SPATA17: variants seen among roughly 807,000 people sequenced by gnomAD.
SPATA17 encodes the protein spermatogenesis associated 17, also known as spermatogenesis-associated protein 17.
A neutral mutation model predicts 62.2 loss-of-function variants in SPATA17; 53 were observed. The ratio of observed to expected loss-of-function variants is 0.85; its 90% CI spans 0.68 to 1.07. SPATA17 has a LOEUF of 1.07. Ranked by LOEUF, SPATA17 falls within the 50% of genes least tolerant of loss-of-function variation. The pLI is 0.00. For missense variants in SPATA17, 466 were observed against 425.5 expected (o/e 1.10, Z -0.84); for synonymous variants, 146 against 146.8 (o/e 0.99, Z 0.04).
At chr1:217,838,969 C>G (rs1329840684) in intron 9 of SPATA17, among the ~76,000 whole-genome samples, 1 of 151,990 alleles carries the variant, frequency 6.6e-6, no homozygotes, top group African/African-American at 2.4e-5. Flanking sequence ...AACCAAGCCT[C>G]TCAGTATTTT....
chr1:217,795,362 C>CTTTTTTT (rs71560537), intron 8 of SPATA17, among the ~76,000 whole-genome samples: 2 of 69,548 alleles, frequency 2.9e-5, no homozygotes, highest in African/African-American at 5.6e-5. Flanking sequence ...ACAAAAGTCT[C>CTTTTTTT]TTTTTTTTTT....
At chr1:217,716,295 A>T (rs754583904) in intron 5 of SPATA17, among the ~76,000 whole-genome samples, 9 of 152,224 alleles carry the variant, frequency 5.9e-5, no homozygotes, top group Non-Finnish European at 1.2e-4. Flanking sequence ...AACGTGAAAG[A>T]AGTCAGTATG....
chr1:217,646,893 C>CA (rs1184208130), intron 1 of SPATA17, among the ~76,000 whole-genome samples: 2 of 151,952 alleles, frequency 1.3e-5, no homozygotes, highest in Admixed American at 6.6e-5. Context: ...GACTCTGTTT[C>CA]AAAAAAACCC....
chr1:217,681,192 A>C (rs978100460), intron 4 of SPATA17, among the ~76,000 whole-genome samples: 2 of 151,100 alleles, frequency 1.3e-5, no homozygotes, highest in Non-Finnish European at 2.9e-5. Context: ...GCGCCACTGC[A>C]CTCCAGCCTG....
At chr1:217,737,063 A>G (rs1672525698) in intron 5 of SPATA17, among the ~76,000 whole-genome samples, 1 of 152,222 alleles carries the variant, frequency 6.6e-6, no homozygotes, top group Non-Finnish European at 1.5e-5. Context: ...TAAATACAAT[A>G]CTGAATTTAG....
chr1:217,657,718 C>G (rs920888207), intron 3 of SPATA17, among the ~76,000 whole-genome samples: 3 of 152,076 alleles, frequency 2.0e-5, no homozygotes, highest in Admixed American at 2.0e-4. Flanking sequence ...ATAGAACCTC[C>G]TCTAACTAAA....
chr1:217,827,886 A>C (rs982385381), intron 9 of SPATA17, among the ~76,000 whole-genome samples: 1 of 152,090 alleles, frequency 6.6e-6, no homozygotes, highest in African/African-American at 2.4e-5. Flanking sequence ...CTGTTGGGAG[A>C]GAGCAGGGAG....
At chr1:217,640,465 A>G (rs1475219323) in intron 1 of SPATA17, among the ~76,000 whole-genome samples, 3 of 152,142 alleles carry the variant, frequency 2.0e-5, no homozygotes, top group Admixed American at 6.5e-5. Context: ...GACTTTGGCA[A>G]TACCATTTTT....
chr1:217,647,528 G>C (rs931329522), intron 1 of SPATA17, among the ~76,000 whole-genome samples: 1 of 152,162 alleles, frequency 6.6e-6, no homozygotes, highest in Non-Finnish European at 1.5e-5. Context: ...TAGTGGAAGA[G>C]ACCATCGTTA....
chr1:217,866,218 A>C (rs1349307543), intron 10 of SPATA17, among the ~76,000 whole-genome samples: 2 of 152,214 alleles, frequency 1.3e-5, no homozygotes, highest in African/African-American at 4.8e-5. Context: ...CATCATGTGA[A>C]CTTATAACCC....
chr1:217,767,591 G>T (rs1036893291), intron 6 of SPATA17, among the ~76,000 whole-genome samples: 4 of 152,010 alleles, frequency 2.6e-5, no homozygotes, highest in Non-Finnish European at 5.9e-5. Context: ...CATTTTGGAG[G>T]TTTCTATTGA....
At chr1:217,795,041 C>G (rs1327260847) in intron 8 of SPATA17, among the ~76,000 whole-genome samples, 1 of 152,080 alleles carries the variant, frequency 6.6e-6, no homozygotes, top group African/African-American at 2.4e-5. Flanking sequence ...CTTGTATTTT[C>G]TTTTGTTGTT....
intron 7 of SPATA17, 78 bp downstream of exon 7, chr1:217,774,615 T>A: frequency 8.6e-7 from 1 of 1,167,486 alleles, no homozygotes; most frequent in Non-Finnish European, 1.2e-6. Context: ...AACACTATCT[T>A]AATTTAACCA....
At position 217,801,736 on chromosome 1, in the gene SPATA17, A is replaced by G. The variant is rs1674317946; in HGVS notation, c.891A>G (p.Ser297=). Residue 297 remains serine, a synonymous_variant, in exon 9 of 11, where the codon TCA becomes TCG. Transcript: ENST00000366933. ...VNDNMFLPFS[S]YHKNEKYIPS... ...CTTTCAGGTTTTTGCCATTTTCTTC[A>G]TACCATAAAAATGAAAAGTACATCC... 1 of 1,602,544 alleles carries G rather than the reference A, an allele frequency of 6.2e-7. No homozygotes were observed. The highest frequency in any genetic ancestry group is 8.5e-7 in the Non-Finnish European group (1 of 1,176,414).
intron 9 of SPATA17, among the ~76,000 whole-genome samples, chr1:217,852,591 G>A (rs1056331309): frequency 5.9e-5 from 9 of 152,158 alleles, no homozygotes; most frequent in Admixed American, 1.3e-4. Flanking sequence ...GAAAAGGCAC[G>A]CTGTTTCATT....
chr1:217,834,686 G>T (rs899255915), intron 9 of SPATA17, among the ~76,000 whole-genome samples: 6 of 152,030 alleles, frequency 3.9e-5, no homozygotes, highest in African/African-American at 1.2e-4. Context: ...ATTCAAAAGT[G>T]TATAAAGTAA....
intron 6 of SPATA17, among the ~76,000 whole-genome samples, chr1:217,743,704 G>A (rs908608545): frequency 7.2e-5 from 11 of 151,884 alleles, no homozygotes; most frequent in African/African-American, 2.7e-4. Context: ...ACACCTCCTG[G>A]GTTCAAGCAA....
chr1:217,701,201 C>G (rs1173445992), intron 5 of SPATA17, among the ~76,000 whole-genome samples: 1 of 151,770 alleles, frequency 6.6e-6, no homozygotes, highest in Non-Finnish European at 1.5e-5. Flanking sequence ...TCTCAAACTC[C>G]TGACCTCAAG....
intron 5 of SPATA17, among the ~76,000 whole-genome samples, chr1:217,697,729 T>A (rs1017649311): frequency 1.3e-5 from 2 of 152,150 alleles, no homozygotes; most frequent in African/African-American, 4.8e-5. Flanking sequence ...TGAGGTAAAT[T>A]TGAACAACAA....
Sources: gnomAD v4.1 joint callset for allele counts (sites outside exome capture counted in the v4.1 genomes callset) on GRCh38, gnomAD v4.1.1 for gene constraint, MANE v1.5 for transcripts, NCBI Gene and HGNC (gene_info 2026-07-23, HGNC 2026-07-21) for gene names.